FBRS: variants seen among roughly 807,000 people sequenced by gnomAD.
FBRS encodes the protein probable fibrosin-1.
A neutral mutation model predicts 86.1 loss-of-function variants in FBRS; 15 were observed. The observed-to-expected ratio is 0.17, with a 90% CI of 0.12 to 0.27. The LOEUF is 0.27. Among genes scored for constraint, FBRS ranks in the 10% least tolerant of loss-of-function variants. FBRS has a pLI of 1.00. For synonymous variants in FBRS, 666 were observed against 575.8 expected, an observed-to-expected ratio of 1.16 and a Z score of -2.24; for missense variants, 1,367 against 1,301.6, an observed-to-expected ratio of 1.05 and a Z score of -0.77.
At position 30,659,708 on chromosome 16, in the gene FBRS, G is replaced by T. The variant is rs760837977; in HGVS notation, c.190G>T (p.Ala64Ser). 5.9e-5 allele frequency: 63 copies of T among 1,064,872 alleles called. No individual in the cohort carries two copies. The South Asian group carries it at 9.2e-4, about 15-fold the overall frequency. The allele number at this position is 1,064,872 out of a possible 1,614,324, so 66.0% of individuals were successfully genotyped here. Residue 64 changes from alanine (A) to serine (S), a missense_variant, in exon 1 of 18, where the codon GCC becomes TCC. This residue lies in a region of FBRS where 702 missense variants were observed against 598.7 expected (regional missense o/e 1.17). Transcript: ENST00000356166. ...GTCCTCGTCGTCGCCGCCGCCGCCC[G>T]CCAGGCCTTGGTCGTCAGCTTCGTC... The part of the protein sequence containing the change: ...SSSSSSPPPP[A>S]RPWSSASSGE...
rs1026957591 is a variant in FBRS, at chr16:30,662,608, C to T, written c.804C>T (p.Ser268=). 1.3e-5 allele frequency: 20 copies of T among 1,541,830 alleles called. No individual in the cohort carries two copies. Among genetic ancestry groups the T allele is most frequent in the East Asian group, 2.5e-5 (1 of 40,772 alleles). ...AFNGNCEAKL[S]VVPKVSGLER... ...ATGGGAACTGTGAAGCAAAACTCTC[C>T]GTGGTCCCTAAAGTGTCGGGCCTGG... The change falls in exon 6 of 18, where the codon TCC becomes TCT. Residue 268 remains serine, a synonymous_variant. Coordinates refer to ENST00000356166, the MANE Select transcript of FBRS (RefSeq NM_001105079.3).
At chr16:30,660,628 C>T (rs558541241) in intron 2 of FBRS, 186 bp downstream of exon 2, 10 of 987,606 alleles carry the variant, frequency 1.0e-5, no homozygotes, top group Admixed American at 7.7e-5. Flanking sequence ...GGTGCACCTC[C>T]TTTTGCCTGG....
At chr16:30,666,641 A>AC in intron 12 of FBRS, 100 bp downstream of exon 12, 1 of 1,565,854 alleles carries the variant, frequency 6.4e-7, no homozygotes, top group Non-Finnish European at 8.8e-7. Context: ...GAAGCCCAGA[A>AC]CATGGAGGCA....
Position 30,670,385 on chromosome 16 carries a change from C to A in FBRS, c.*740C>A. On this transcript the variant is annotated 3_prime_UTR_variant, in exon 18 of 18. Transcript: ENST00000356166. Reference sequence around the variant, plus strand: ...TGGCTGACAGCCCCGGTTCCCCCAACATGTTCCCGTTCACTCTGCCCCCAC... The same window carrying A: ...TGGCTGACAGCCCCGGTTCCCCCAAAATGTTCCCGTTCACTCTGCCCCCAC... The A allele has an allele frequency of 2.8e-6, 1 of 362,230 alleles. No individual in the cohort carries two copies. The highest frequency in any genetic ancestry group is 2.1e-5 in the South Asian group (1 of 48,694). The allele number at this position is 362,230 out of a possible 1,614,324, so 22.4% of individuals were successfully genotyped here.
Position 30,665,386 on chromosome 16 carries a change from G to A in FBRS, c.1689G>A (p.Gly563=), listed in dbSNP as rs1470992131. The A allele has an allele frequency of 3.2e-6, 5 of 1,569,866 alleles. No homozygotes were observed. The highest frequency in any genetic ancestry group is 1.4e-5 in the African/African-American group (1 of 73,878). The part of the protein sequence containing the change: ...PPAVSFGSLQ[G]AFQPKSTNPE... Reference sequence around the variant, plus strand: ...CCGTCTCCTTTGGCTCCCTGCAGGGGGCCTTCCAGCCCAAGGTGAGCTCCC... The same window carrying A: ...CCGTCTCCTTTGGCTCCCTGCAGGGAGCCTTCCAGCCCAAGGTGAGCTCCC... The change falls in exon 10 of 18, where the codon GGG becomes GGA. Residue 563 remains glycine (G), a synonymous_variant. Coordinates refer to ENST00000356166, the MANE Select transcript of FBRS (RefSeq NM_001105079.3). This position sits in a 1 kb window ranked among gnomAD's most constrained non-coding sequence, Gnocchi z 4.1.
chr16:30,662,994 A>G (rs997420873), intron 6 of FBRS, 135 bp downstream of exon 6: 1 of 1,317,540 alleles, frequency 7.6e-7, no homozygotes, highest in South Asian at 2.4e-5. Flanking sequence ...ACAAATGGAA[A>G]GAGATGACTG....
At chr16:30,666,863 G>A (rs978405094) in intron 12 of FBRS, 56 bp from the exon 13 acceptor site, 23 of 1,562,652 alleles carry the variant, frequency 1.5e-5, no homozygotes, top group Non-Finnish European at 2.0e-5. Flanking sequence ...TGGAGTGGAT[G>A]ATGAGTGAAC....
rs1567548248 is a variant in FBRS, at chr16:30,669,219, TGCCGCCGCCGCTGCC to T, written c.2526_2540del (p.Ala845_Ala849del). 1 of 1,544,376 alleles carries T rather than the reference TGCCGCCGCCGCTGCC, an allele frequency of 6.5e-7. No homozygotes were observed. Among genetic ancestry groups the T allele is most frequent in the Non-Finnish European group, 8.7e-7 (1 of 1,143,744 alleles). On this transcript the variant is annotated inframe_deletion, in exon 18 of 18. Transcript: ENST00000356166. The surrounding 1 kb of genome is among the most constrained non-coding windows in gnomAD (Gnocchi z 5.9). Reference sequence around the variant, plus strand: ...CTGCCGCCGCCGCTGCCGCTGCTGCTGCCGCCGCCGCTGCCGCCGCCGCAGCAGCCACTGGGCCCC... The same window carrying T: ...CTGCCGCCGCCGCTGCCGCTGCTGCTGCCGCCGCAGCAGCCACTGGGCCCC...
Position 30,669,700 on chromosome 16 carries a change from C to T in FBRS, c.*55C>T. 2.0e-6 allele frequency: 3 copies of T among 1,512,518 alleles called. No homozygotes were observed. Among genetic ancestry groups the T allele is most frequent in the Non-Finnish European group, 2.6e-6 (3 of 1,139,556 alleles). 93.7% of individuals were successfully genotyped at this position (1,512,518 alleles called of 1,614,324 possible). A position where few individuals can be genotyped will look rare whatever the true frequency, so the allele number is the denominator to read the frequency against. On this transcript the variant is annotated 3_prime_UTR_variant, in exon 18 of 18. Coordinates refer to ENST00000356166, the MANE Select transcript of FBRS (RefSeq NM_001105079.3). This position sits in a 1 kb window ranked among gnomAD's most constrained non-coding sequence, Gnocchi z 5.9. ...CCATCTCCCCTTCCTTTAACCAGGT[C>T]CTAGGGCTGAGGTTTTAAGCCAGGG...
At position 30,659,972 on chromosome 16, in the gene FBRS, T is replaced by A. The variant is rs866815243; in HGVS notation, c.454T>A (p.Leu152Met). The change falls in exon 1 of 18, where the codon TTG (leucine) becomes ATG (methionine). Residue 152 changes from leucine to methionine, a missense_variant. Leu to Met is a conservative substitution (Grantham distance 15). Around this residue, in one of 3 missense-constraint regions of FBRS, gnomAD observed 702 missense variants for 598.7 expected, o/e 1.17. Transcript: ENST00000356166. Reference sequence around the variant, plus strand: ...CGCCAGCTTCGCCACCCTCGAGGCCTTGCAGGTGGGGCCTAATGGGGCTAG... The same window carrying A: ...CGCCAGCTTCGCCACCCTCGAGGCCATGCAGGTGGGGCCTAATGGGGCTAG... ...AIASFATLEA[L>M]QKDASLQPPE... 2 of 1,549,774 alleles carry A rather than the reference T, an allele frequency of 1.3e-6. No individual in the cohort carries two copies. The highest frequency in any genetic ancestry group is 2.4e-5 in the South Asian group (2 of 84,048).
chr16:30,666,829 C>T (rs1567546729), intron 12 of FBRS, 90 bp from the exon 13 acceptor site: 26 of 1,401,974 alleles, frequency 1.9e-5, no homozygotes, highest in Non-Finnish European at 1.9e-5. Flanking sequence ...TATTTTGTGG[C>T]GAGGCTGGGC....
Position 30,662,360 on chromosome 16 carries a change from T to G in FBRS, c.706-60T>G. The G allele has an allele frequency of 1.9e-6, 3 of 1,548,734 alleles. No homozygotes were observed. The South Asian group carries it at 3.6e-5, about 18-fold the overall frequency. On this transcript the variant is annotated intron_variant, in intron 4 of 17. Transcript: ENST00000356166. ...GCAGCCTCCAGAGGCTATTTGGCCT[T>G]CCTGGGTGGAGGCCTGGCCCACCCA...
At position 30,661,405 on chromosome 16, in the gene FBRS, C is replaced by T. The variant is rs141828939; in HGVS notation, c.705+72C>T. ...GGGACTGCAGCATAAAGGTCTTCTG[C>T]GTGCAGCAGACAGCCTTCCCTTGAG... On this transcript the variant is annotated intron_variant, in intron 4 of 17. Coordinates refer to ENST00000356166, the MANE Select transcript of FBRS (RefSeq NM_001105079.3). 7.7e-6 allele frequency: 12 copies of T among 1,549,868 alleles called. No individual in the cohort carries two copies. The East Asian group carries it at 1.2e-4, about 16-fold the overall frequency.
rs1312952649 is a variant in FBRS, at chr16:30,669,635, C to T, written c.2933C>T (p.Ala978Val). The T allele has an allele frequency of 1.3e-6, 2 of 1,598,860 alleles. No homozygotes were observed. ...CCTAGGGGCCCTGGCCCAGCTCGGG[C>T]TGACAGGTGAGGGGAACGGGGGGGG... ...SPPRGPGPAR[A>V]DR The change falls in exon 18 of 18, where the codon GCT (alanine) becomes GTT (valine). Residue 978 changes from alanine to valine, a missense_variant. Physicochemically the swap from Ala to Val is moderately conservative, Grantham distance 64. Coordinates refer to ENST00000356166, the MANE Select transcript of FBRS (RefSeq NM_001105079.3). The surrounding 1 kb of genome is among the most constrained non-coding windows in gnomAD (Gnocchi z 5.9).
At position 30,669,655 on chromosome 16, in the gene FBRS, G is replaced by GC; in HGVS notation, c.*10_*11insC. 6.3e-7 allele frequency: 1 copy of GC among 1,579,496 alleles called. No individual in the cohort carries two copies. The highest frequency in any genetic ancestry group is 1.4e-5 in the African/African-American group (1 of 73,790). ...TCGGGCTGACAGGTGAGGGGAACGG[G>GC]GGGGGGTCGGGGCAAAGCTCCATCT... On this transcript the variant is annotated 3_prime_UTR_variant, in exon 18 of 18. Coordinates refer to ENST00000356166, the MANE Select transcript of FBRS (RefSeq NM_001105079.3). This position sits in a 1 kb window ranked among gnomAD's most constrained non-coding sequence, Gnocchi z 5.9.
At chr16:30,662,238 A>T in intron 4 of FBRS, 182 bp from the exon 5 acceptor site, 1 of 885,174 alleles carries the variant, frequency 1.1e-6, no homozygotes. Flanking sequence ...CAGCTGCTCC[A>T]CTCTGCTTTT....
At position 30,659,387 on chromosome 16, in the gene FBRS, T is replaced by G; in HGVS notation, c.-132T>G. The G allele has an allele frequency of 5.0e-6, 1 of 199,290 alleles. No individual in the cohort carries two copies. The highest frequency in any genetic ancestry group is 2.4e-5 in the African/African-American group (1 of 42,382). The allele number at this position is 199,290 out of a possible 1,614,324, so 12.3% of individuals were successfully genotyped here. On this transcript the variant is annotated 5_prime_UTR_variant, in exon 1 of 18. Transcript: ENST00000356166. ...TTGGGGCAAGCTCGGGGCCAGCAGA[T>G]CCGGCTTTAAAGGAGAAGCCGTGGC...
chr16:30,669,739 G>C lies in FBRS; in HGVS notation c.*94G>C. On this transcript the variant is annotated 3_prime_UTR_variant, in exon 18 of 18. Coordinates refer to ENST00000356166, the MANE Select transcript of FBRS (RefSeq NM_001105079.3). This position sits in a 1 kb window ranked among gnomAD's most constrained non-coding sequence, Gnocchi z 5.9. The stretch of plus-strand genomic sequence containing the variant: ...TTTAAGCCAGGGCTGGAGGGCAAAG[G>C]TCATAACCTCACCAGCCACCTCTGA... The C allele has an allele frequency of 3.5e-6, 5 of 1,418,392 alleles. No homozygotes were observed. Among genetic ancestry groups the C allele is most frequent in the Non-Finnish European group, 3.7e-6 (4 of 1,078,074 alleles). 87.9% of individuals were successfully genotyped at this position (1,418,392 alleles called of 1,614,324 possible). A position where few individuals can be genotyped will look rare whatever the true frequency, so the allele number is the denominator to read the frequency against.
chr16:30,662,933 C>T lies in FBRS; in HGVS notation c.1055+74C>T, dbSNP rs140053175. On this transcript the variant is annotated intron_variant, in intron 6 of 17. Coordinates refer to ENST00000356166, the MANE Select transcript of FBRS (RefSeq NM_001105079.3). ...TGGTGGCGGGGACACAGGATGGTAC[C>T]TGTGGGGTATGACTTGAAAAAGGAT... 4,068 of 1,358,522 alleles carry T rather than the reference C, an allele frequency of 3.0e-3. 7 individuals carry two copies. The highest frequency in any genetic ancestry group is 3.8e-3 in the Middle Eastern group (20 of 5,248). The allele number at this position is 1,358,522 out of a possible 1,614,324, so 84.2% of individuals were successfully genotyped here. A position where few individuals can be genotyped will look rare whatever the true frequency, so the allele number is the denominator to read the frequency against.
Sources: allele counts gnomAD v4.1 joint callset, GRCh38; gene constraint gnomAD v4.1.1; regional missense constraint gnomAD v4.1.1; non-coding constraint Gnocchi (gnomAD v3.1); transcripts MANE v1.5; gene names NCBI Gene and HGNC (gene_info 2026-07-23, HGNC 2026-07-21).